DERL1: variants seen among roughly 807,000 people sequenced by gnomAD.
DERL1 encodes derlin-1.
A neutral mutation model predicts 41.6 loss-of-function variants in DERL1; 24 were observed. That is an observed-to-expected ratio of 0.58 (90% CI 0.42 to 0.81). DERL1 has a LOEUF of 0.81. Among genes scored for constraint, DERL1 ranks in the 30% least tolerant of loss-of-function variants. The pLI, the probability that DERL1 is intolerant of heterozygous loss-of-function variation, is 0.00. For missense variants in DERL1, 260 were observed against 314.3 expected (o/e 0.83, Z 1.31); for synonymous variants, 124 against 112.5 (o/e 1.10, Z -0.65).
intron 7 of DERL1, chr8:123,018,398 C>T (rs757844220): frequency 6.6e-6 from 1 of 152,294 alleles, no homozygotes; most frequent in African/African-American, 2.4e-5. Context: ...CTCCTACCCC[C>T]ACCTTTAGGA....
chr8:123,022,553 G>C, intron 5 of DERL1, 131 bp downstream of exon 5: 1 of 795,694 alleles, frequency 1.3e-6, no homozygotes. Context: ...GAGGAGGGCA[G>C]AAAGGGGCTT....
Position 123,030,682 on chromosome 8 carries a change from G to A in DERL1, c.188C>T (p.Pro63Leu). The A allele has an allele frequency of 1.2e-6, 2 of 1,612,868 alleles. No individual in the cohort carries two copies. Among genetic ancestry groups the A allele is most frequent in the Non-Finnish European group, 1.7e-6 (2 of 1,179,620 alleles). Residue 63 changes from proline to leucine, a missense_variant, in exon 2 of 8, where the codon CCT becomes CTT. By Grantham distance (98) the Pro-to-Leu change is moderately conservative. Transcript: ENST00000259512. ...WRPITATFYF[P>L]VGPGTGFLYL... ...AAGAAATCCAGTTCCTGGACCCACAGGGAAATAAAAGGTGGCAGTGATTGG... is the reference window on the plus strand; with the variant it reads ...AAGAAATCCAGTTCCTGGACCCACAAGGAAATAAAAGGTGGCAGTGATTGG...
At chr8:123,040,357 G>A (rs1813023851) in intron 1 of DERL1, among the ~76,000 whole-genome samples, 1 of 152,226 alleles carries the variant, frequency 6.6e-6, no homozygotes. Flanking sequence ...AGAAGGTTAG[G>A]AGGTAAACAA....
At chr8:123,038,106 C>T (rs1021419251) in intron 1 of DERL1, among the ~76,000 whole-genome samples, 3 of 152,156 alleles carry the variant, frequency 2.0e-5, no homozygotes, top group Admixed American at 1.3e-4. Flanking sequence ...TAAACCTCAG[C>T]GTTCTAAACC....
In DERL1 at chr8:123,042,187, C is replaced by T. The variant is rs1378571573; in HGVS notation, c.-65G>A. Reference sequence around the variant, plus strand: ...ACTCCCCGTGCCGACCCCCTCACGACGCGGCCGGCTCCGCGACTGTTAGGT... The same window carrying T: ...ACTCCCCGTGCCGACCCCCTCACGATGCGGCCGGCTCCGCGACTGTTAGGT... On this transcript the variant is annotated 5_prime_UTR_variant, in exon 1 of 8. Coordinates refer to ENST00000259512, the MANE Select transcript of DERL1 (RefSeq NM_024295.6). 6.7e-7 allele frequency: 1 copy of T among 1,502,256 alleles called. No individual in the cohort carries two copies. Among genetic ancestry groups the T allele is most frequent in the Non-Finnish European group, 8.9e-7 (1 of 1,120,504 alleles). The allele number at this position is 1,502,256 out of a possible 1,614,324, so 93.1% of individuals were successfully genotyped here.
chr8:123,030,369 G>A, intron 2 of DERL1: 1 of 353,670 alleles, frequency 2.8e-6, no homozygotes, highest in Non-Finnish European at 5.1e-6. Context: ...CCTCTGATCT[G>A]CTACTTTTTG....
intron 2 of DERL1, among the ~76,000 whole-genome samples, chr8:123,026,574 G>C (rs528373666): frequency 6.6e-6 from 1 of 152,314 alleles, no homozygotes; most frequent in Admixed American, 6.5e-5. Flanking sequence ...AAGCTGTGTG[G>C]TTGACAGAAA....
At chr8:123,030,429 A>G (rs1368128667) in intron 2 of DERL1, 176 bp downstream of exon 2, 1 of 511,046 alleles carries the variant, frequency 2.0e-6, no homozygotes, top group Non-Finnish European at 3.4e-6. Flanking sequence ...TGTTGTGAGG[A>G]TTAAAAATTG....
At chr8:123,024,340 C>T (rs1017136628) in intron 3 of DERL1, among the ~76,000 whole-genome samples, 1 of 152,210 alleles carries the variant, frequency 6.6e-6, no homozygotes, top group Admixed American at 6.5e-5. Flanking sequence ...ATCCACAGTG[C>T]CACATTTTCT....
intron 1 of DERL1, among the ~76,000 whole-genome samples, chr8:123,031,462 T>C (rs1254908616): frequency 1.3e-5 from 2 of 152,108 alleles, no homozygotes; most frequent in African/African-American, 4.8e-5. Flanking sequence ...GGAGAATCGC[T>C]TGAACCCAGG....
chr8:123,030,466 T>C, intron 2 of DERL1, 139 bp downstream of exon 2: 1 of 609,628 alleles, frequency 1.6e-6, no homozygotes, highest in Non-Finnish European at 2.8e-6. Context: ...GGTGCAGTCC[T>C]GGCACAGTCA....
chr8:123,033,925 G>C (rs1333193790), intron 1 of DERL1, among the ~76,000 whole-genome samples: 3 of 152,200 alleles, frequency 2.0e-5, no homozygotes, highest in Non-Finnish European at 4.4e-5. Context: ...CAAAATGCTG[G>C]CTTTTGGTGT....
chr8:123,035,457 G>C (rs142405813), intron 1 of DERL1, among the ~76,000 whole-genome samples: 1 of 152,182 alleles, frequency 6.6e-6, no homozygotes, highest in Non-Finnish European at 1.5e-5. Flanking sequence ...TTTACGTTCA[G>C]TGCCAGGAGT....
intron 4 of DERL1, 92 bp from the exon 5 acceptor site, chr8:123,022,871 C>T: frequency 2.2e-6 from 2 of 910,532 alleles, no homozygotes; most frequent in African/African-American, 1.6e-5. Context: ...CTCTTCACAA[C>T]AATCCTCACC....
At chr8:123,025,117 A>AGAATTTCAC in intron 2 of DERL1, 67 bp from the exon 3 acceptor site, 1 of 1,507,166 alleles carries the variant, frequency 6.6e-7, no homozygotes, top group Non-Finnish European at 9.0e-7. Context: ...CTACATAGAG[A>AGAATTTCAC]AACACTTCAA....
chr8:123,037,030 G>A (rs901963719), intron 1 of DERL1, among the ~76,000 whole-genome samples: 5 of 152,154 alleles, frequency 3.3e-5, no homozygotes, highest in African/African-American at 1.2e-4. Flanking sequence ...AGACAAAGCA[G>A]AATAATCATC....
At chr8:123,034,983 G>T (rs1812894238) in intron 1 of DERL1, among the ~76,000 whole-genome samples, 1 of 152,102 alleles carries the variant, frequency 6.6e-6, no homozygotes, top group Non-Finnish European at 1.5e-5. Context: ...AATATGTGTG[G>T]GTGTGTTAAT....
Position 123,034,194 on chromosome 8 carries a change from A to G in DERL1, c.154-3478T>C, listed in dbSNP as rs535800925. Among the ~76,000 whole-genome samples, 98 of 152,374 alleles carry G rather than the reference A, an allele frequency of 6.4e-4. 1 individual carries two copies. The highest frequency in any genetic ancestry group is 2.2e-3 in the African/African-American group (92 of 41,600). ...GGCCACATACAGACTGGCCAGTTCC[A>G]TTCTCCAAGTACAGGAATGTAACCC... On this transcript the variant is annotated intron_variant, in intron 1 of 7. Coordinates refer to ENST00000259512, the MANE Select transcript of DERL1 (RefSeq NM_024295.6).
At chr8:123,037,171 C>A (rs1001794620) in intron 1 of DERL1, among the ~76,000 whole-genome samples, 9 of 152,078 alleles carry the variant, frequency 5.9e-5, no homozygotes, top group Non-Finnish European at 1.2e-4. Context: ...ATACCAACCA[C>A]GTAGGAGGCA....
Sources: allele counts gnomAD v4.1 joint callset (sites outside exome capture counted in the v4.1 genomes callset), GRCh38; gene constraint gnomAD v4.1.1; transcripts MANE v1.5; gene names NCBI Gene and HGNC (gene_info 2026-07-23, HGNC 2026-07-21).